Variants in PUDP observed in about 807,000 individuals in gnomAD.
PUDP encodes pseudouridine 5'-phosphatase, also known as pseudouridine-5'-phosphatase.
Under a neutral mutation model 9.4 loss-of-function variants are expected in PUDP, and 8 were observed. That is an observed-to-expected ratio of 0.85 (90% CI 0.50 to 1.53). PUDP has a LOEUF of 1.53. Ranked by LOEUF, PUDP falls within the 40% of genes most tolerant of loss-of-function variation. The pLI, the probability that PUDP is intolerant of heterozygous loss-of-function variation, is 0.00. For missense variants in PUDP, 188 were observed against 189.7 expected (o/e 0.99, Z 0.05); for synonymous variants, 99 against 80.7 (o/e 1.23, Z -1.22).
At chrX:6,761,613 C>T (rs1022476711) in intron 3 of PUDP, among the ~76,000 whole-genome samples, 4 of 111,648 alleles carry the variant, frequency 3.6e-5, no homozygotes, top group African/African-American at 1.3e-4. Context: ...GAAGAGCAGC[C>T]ATGCAAATTA....
intron 3 of PUDP, among the ~76,000 whole-genome samples, chrX:6,959,641 C>A (rs1928678886): frequency 9.0e-6 from 1 of 111,695 alleles, no homozygotes. Flanking sequence ...GAAGAGTAAC[C>A]CCCTAATCCT....
intron 3 of PUDP, among the ~76,000 whole-genome samples, chrX:6,809,416 C>T (rs760548840): frequency 9.2e-6 from 1 of 109,201 alleles, no homozygotes; most frequent in Non-Finnish European, 1.9e-5. Context: ...TAGGAGTTTG[C>T]TCCCCAGTAG....
chrX:6,734,592 G>A (rs995314289), intron 3 of PUDP, among the ~76,000 whole-genome samples: 14 of 111,422 alleles, frequency 1.3e-4, no homozygotes, highest in Admixed American at 1.2e-3. Flanking sequence ...GGGCAATGTA[G>A]CAAGACCCTA....
chrX:6,793,035 T>C (rs1051082439), intron 3 of PUDP, among the ~76,000 whole-genome samples: 2 of 112,334 alleles, frequency 1.8e-5, no homozygotes, highest in African/African-American at 6.5e-5. Context: ...GGGTAATTTA[T>C]AAAGAGTAGA....
intron 3 of PUDP, among the ~76,000 whole-genome samples, chrX:6,857,053 A>G (rs1183077243): frequency 1.8e-5 from 2 of 112,855 alleles, no homozygotes; most frequent in Non-Finnish European, 3.7e-5. Context: ...AAGAATGTCC[A>G]TGTTCCATAC....
At chrX:6,958,362 A>C (rs1399611378) in intron 3 of PUDP, among the ~76,000 whole-genome samples, 2 of 112,135 alleles carry the variant, frequency 1.8e-5, no homozygotes, top group Non-Finnish European at 3.8e-5. Flanking sequence ...CAGGTCAAAT[A>C]TTTAGGCTAA....
At chrX:7,146,746 T>G (rs1932867856) in intron 1 of PUDP, among the ~76,000 whole-genome samples, 1 of 111,071 alleles carries the variant, frequency 9.0e-6, no homozygotes, top group African/African-American at 3.3e-5. Context: ...CATTTATATT[T>G]AGAACTGGAT....
chrX:6,711,202 G>A (rs1198043502), intron 1 of PUDP, among the ~76,000 whole-genome samples: 2 of 111,098 alleles, frequency 1.8e-5, no homozygotes, highest in Non-Finnish European at 3.8e-5. Context: ...CCAAAGATAC[G>A]AGGGAAACTG....
chrX:6,850,559 A>G (rs898152651), intron 3 of PUDP, among the ~76,000 whole-genome samples: 2 of 112,783 alleles, frequency 1.8e-5, no homozygotes, highest in African/African-American at 6.4e-5. Context: ...ACCTATGAGC[A>G]GAAAATTCAC....
intron 1 of PUDP, among the ~76,000 whole-genome samples, chrX:7,119,040 G>A (rs1442160552): frequency 8.9e-6 from 1 of 112,237 alleles, no homozygotes; most frequent in African/African-American, 3.2e-5. Flanking sequence ...AAATCAGAAT[G>A]TTTTTCTCAC....
At chrX:7,032,723 A>T (rs1929807318) in intron 1 of PUDP, among the ~76,000 whole-genome samples, 1 of 111,756 alleles carries the variant, frequency 8.9e-6, no homozygotes, top group Non-Finnish European at 1.9e-5. Flanking sequence ...GGGGTTGGTG[A>T]TATGAGGAAA....
At position 6,996,664 on chromosome X, in the gene PUDP, A is replaced by AT. The variant is rs201207141; in HGVS notation, c.205-18322dup. Among the ~76,000 whole-genome samples the AT allele has an allele frequency of 8.2e-3, 785 of 96,019 alleles. 2 individuals carry two copies. The highest frequency in any genetic ancestry group is 0.011 in the Non-Finnish European group (527 of 48,645). The allele number at this position is 96,019 out of a possible 115,157, so 83.4% of individuals were successfully genotyped here. A position where few individuals can be genotyped will look rare whatever the true frequency, so the allele number is the denominator to read the frequency against. On this transcript the variant is annotated intron_variant and NMD_transcript_variant, in intron 1 of 3. Transcript: ENST00000655425. ...TATGTGTGTGTGTATATATATATAC[A>AT]TTTTTTTTTTTTTTGAGATGCAGTT...
chrX:6,994,644 G>C (rs938619137), intron 1 of PUDP, among the ~76,000 whole-genome samples: 1 of 111,559 alleles, frequency 9.0e-6, no homozygotes, highest in South Asian at 3.8e-4. Context: ...AAAAGAATGA[G>C]GGAAAGCAGG....
At chrX:7,045,303 C>T (rs1007091621), downstream of PUDP, among the ~76,000 whole-genome samples, 1 of 112,597 alleles carries the variant, frequency 8.9e-6, no homozygotes, top group African/African-American at 3.2e-5. Context: ...TTATAAGTTG[C>T]CCAGTCTCAG....
intron 3 of PUDP, among the ~76,000 whole-genome samples, chrX:6,824,347 T>C (rs1926392900): frequency 8.9e-6 from 1 of 111,812 alleles, no homozygotes; most frequent in African/African-American, 3.3e-5. Context: ...GAAACCTCTT[T>C]CCTTTATAAA....
upstream of PUDP, among the ~76,000 whole-genome samples, chrX:6,723,432 C>CAAAAAAAAAAAAAAAAAAA (rs549361509): frequency 5.8e-5 from 1 of 17,329 alleles, no homozygotes; most frequent in East Asian, 2.4e-3. Context: ...GAGGCTCTGT[C>CAAAAAAAAAAAAAAAAAAA]AAAAAAAAAA....
chrX:6,830,355 C>T (rs1219372678), intron 3 of PUDP, among the ~76,000 whole-genome samples: 1 of 110,959 alleles, frequency 9.0e-6, no homozygotes, highest in Admixed American at 9.6e-5. Flanking sequence ...TTCAAGCATT[C>T]AGGCAGGAAA....
At chrX:6,872,137 T>C (rs1927184003) in intron 3 of PUDP, among the ~76,000 whole-genome samples, 1 of 110,831 alleles carries the variant, frequency 9.0e-6, no homozygotes, top group African/African-American at 3.3e-5. Flanking sequence ...CTTAACATCA[T>C]CACCTTGGGG....
intron 3 of PUDP, among the ~76,000 whole-genome samples, chrX:6,972,064 G>C (rs771618768): frequency 2.7e-5 from 3 of 112,212 alleles, no homozygotes; most frequent in Non-Finnish European, 5.6e-5. Flanking sequence ...CGTTGATTTT[G>C]TATCCTGAGA....
Sources: allele counts gnomAD v4.1 joint callset (sites outside exome capture counted in the v4.1 genomes callset), GRCh38; gene constraint gnomAD v4.1.1; transcripts MANE v1.5; gene names NCBI Gene and HGNC (gene_info 2026-07-23, HGNC 2026-07-21).